The following RUNDC1 variants were observed in gnomAD, a reference collection of about 807,000 sequenced individuals.
RUNDC1 encodes the protein RUN domain containing 1, also known as RUN domain-containing protein 1.
Under a neutral mutation model 49.3 loss-of-function variants are expected in RUNDC1, and 31 were observed. The observed-to-expected ratio is 0.63, with a 90% CI of 0.47 to 0.85. The LOEUF is 0.85. RUNDC1 is among the 40% of genes least tolerant of loss of function. RUNDC1 has a pLI of 0.00. For missense variants in RUNDC1, 715 were observed against 806.7 expected, an observed-to-expected ratio of 0.89 and a Z score of 1.38; for synonymous variants, 347 against 348.6, an observed-to-expected ratio of 1.00 and a Z score of 0.05.
chr17:42,988,857 G>A (rs1030470589), intron 2 of RUNDC1, among the ~76,000 whole-genome samples: 1 of 152,076 alleles, frequency 6.6e-6, no homozygotes, highest in Non-Finnish European at 1.5e-5. Context: ...TGTGTCTATA[G>A]TCCCAGCTAT....
At position 42,990,316 on chromosome 17, in the gene RUNDC1, G is replaced by A. The variant is rs751544664; in HGVS notation, c.857-1G>A. On this transcript the variant is annotated splice_acceptor_variant, in intron 3 of 4. Coordinates refer to ENST00000361677, the MANE Select transcript of RUNDC1 (RefSeq NM_173079.5). LOFTEE classifies it high-confidence loss of function. The stretch of plus-strand genomic sequence containing the variant: ...GTCTCTTCTATAATTTCTGATTCCA[G>A]ATGAAGTGGGAAGCCCCTTGCAGAC... 1.9e-6 allele frequency: 3 copies of A among 1,613,514 alleles called. No homozygotes were observed. In the South Asian group the frequency reaches 3.3e-5, roughly 18 times the overall value.
rs1417066993 is a variant in RUNDC1 at position 42,980,763 on chromosome 17, G to A, written c.187G>A (p.Glu63Lys). The change falls in exon 1 of 5, where the codon GAG (glutamate) becomes AAG (lysine). Residue 63 changes from glutamate to lysine, a missense_variant. Physicochemically the swap from Glu to Lys is moderately conservative, Grantham distance 56 (BLOSUM62 1). Transcript: ENST00000361677. The part of the protein sequence containing the change: ...ATAFLEEATA[E>K]EPGAAPGSPP... ...CGCGTTTTTAGAAGAGGCGACGGCCGAGGAGCCTGGCGCGGCCCCGGGCTC... is the reference window on the plus strand; with the variant it reads ...CGCGTTTTTAGAAGAGGCGACGGCCAAGGAGCCTGGCGCGGCCCCGGGCTC... The A allele has an allele frequency of 2.7e-6, 4 of 1,499,534 alleles. No individual in the cohort carries two copies. In the Admixed American group the frequency reaches 6.6e-5, roughly 25 times the overall value. The allele number at this position is 1,499,534 out of a possible 1,614,324, so 92.9% of individuals were successfully genotyped here.
At chr17:42,989,638 C>G in intron 3 of RUNDC1, 99 bp downstream of exon 3, 1 of 1,137,200 alleles carries the variant, frequency 8.8e-7, no homozygotes, top group South Asian at 1.4e-5. Flanking sequence ...GTTTTTTGTT[C>G]TTTTTTGGGC....
In RUNDC1 at chr17:42,980,947, G is replaced by A. The variant is rs1441002706; in HGVS notation, c.371G>A (p.Arg124Gln). The change falls in exon 1 of 5, where the codon CGG becomes CAG. Residue 124 changes from arginine to glutamine, a missense_variant. Physicochemically the swap from Arg to Gln is conservative, Grantham distance 43 (BLOSUM62 1). Coordinates refer to ENST00000361677, the MANE Select transcript of RUNDC1 (RefSeq NM_173079.5). ...CCGGCGGAGCAGCAGCGCCTTCTGC[G>A]GGAGCTCGAAGACTTCGCCTTCCGC... is the stretch of plus-strand genomic sequence containing the variant. Reference protein sequence around the residue: ...GAPAEQQRLLRELEDFAFRGC... With the variant: ...GAPAEQQRLLQELEDFAFRGC... 1.3e-6 allele frequency: 2 copies of A among 1,540,520 alleles called. No homozygotes were observed. Among genetic ancestry groups the A allele is most frequent in the East Asian group, 2.4e-5 (1 of 41,022 alleles).
Position 42,982,529 on chromosome 17 carries a change from G to C in RUNDC1, c.498+1455G>C, listed in dbSNP as rs140792716. On this transcript the variant is annotated intron_variant, in intron 1 of 4. Transcript: ENST00000361677. The stretch of plus-strand genomic sequence containing the variant: ...CTAGAAAGGGGTGGACAGCACCAAA[G>C]GTTCTACATGATAGGAAACTCTGTT... Among the ~76,000 whole-genome samples, 94 of 152,216 alleles carry C rather than the reference G, an allele frequency of 6.2e-4. No individual in the cohort carries two copies. In the East Asian group the frequency reaches 0.015, roughly 24 times the overall value.
At position 42,987,251 on chromosome 17, in the gene RUNDC1, C is replaced by A; in HGVS notation, c.499-5C>A. On this transcript the variant is annotated splice_polypyrimidine_tract_variant and splice_region_variant and intron_variant, in intron 1 of 4. Coordinates refer to ENST00000361677, the MANE Select transcript of RUNDC1 (RefSeq NM_173079.5). ...ATAATAGACCCAATTATTTTCTTGC[C>A]TTAGAGTGAGCAGGAAAAGCAAGAG... 6.2e-7 allele frequency: 1 copy of A among 1,613,688 alleles called. No individual in the cohort carries two copies. The highest frequency in any genetic ancestry group is 8.5e-7 in the Non-Finnish European group (1 of 1,179,740).
chr17:42,980,852 G>C lies in RUNDC1; in HGVS notation c.276G>C (p.Ser92=), dbSNP rs1375159329. ...RLRAERRRLD[S]ALLALSSHFA... The stretch of plus-strand genomic sequence containing the variant: ...GGGCAGAGCGGCGGCGGCTGGACTC[G>C]GCGCTGCTGGCGCTGTCCTCGCACT... Residue 92 remains serine (S), a synonymous_variant, in exon 1 of 5, where the codon TCG becomes TCC. Transcript: ENST00000361677. 7.1e-6 allele frequency: 10 copies of C among 1,409,312 alleles called. No individual in the cohort carries two copies. The highest frequency in any genetic ancestry group is 3.3e-5 in the Admixed American group (1 of 30,498). The allele number at this position is 1,409,312 out of a possible 1,614,324, so 87.3% of individuals were successfully genotyped here. A position where few individuals can be genotyped will look rare whatever the true frequency, so the allele number is the denominator to read the frequency against.
At chr17:42,989,607 A>T (rs1281974655) in intron 3 of RUNDC1, 68 bp downstream of exon 3, 1 of 1,423,104 alleles carries the variant, frequency 7.0e-7, no homozygotes, top group Non-Finnish European at 9.9e-7. Flanking sequence ...TCTAAGTACT[A>T]GTAAAAAGGT....
In RUNDC1 at chr17:42,991,141, A is replaced by C. The variant is rs376046963; in HGVS notation, c.1267A>C (p.Thr423Pro). 1.2e-6 allele frequency: 2 copies of C among 1,614,196 alleles called. No individual in the cohort carries two copies. The change falls in exon 5 of 5, where the codon ACT becomes CCT. Residue 423 changes from threonine to proline, a missense_variant. This residue lies in a region of RUNDC1 where 425 missense variants were observed against 499.7 expected (regional missense o/e 0.85). Coordinates refer to ENST00000361677, the MANE Select transcript of RUNDC1 (RefSeq NM_173079.5). Reference sequence around the variant, plus strand: ...CTCTCTGGGAGGCAAGGATGAGCTGACTATGGCTGTGCGGAAGGAGCTAAC... The same window carrying C: ...CTCTCTGGGAGGCAAGGATGAGCTGCCTATGGCTGTGCGGAAGGAGCTAAC... ...DLSLGGKDEL[T>P]MAVRKELTVA...
chr17:42,981,473 A>C, intron 1 of RUNDC1: 1 of 187,956 alleles, frequency 5.3e-6, no homozygotes, highest in Non-Finnish European at 1.1e-5. Context: ...AAAATTGGCA[A>C]AGGAAAGGAA....
At chr17:42,988,195 A>C (rs1248641306) in intron 2 of RUNDC1, among the ~76,000 whole-genome samples, 1 of 151,550 alleles carries the variant, frequency 6.6e-6, no homozygotes, top group African/African-American at 2.4e-5. Flanking sequence ...CCTCCCCTGC[A>C]TGTTTCTCTA....
In RUNDC1 at chr17:42,991,765, G is replaced by A; in HGVS notation, c.*49G>A. The A allele has an allele frequency of 6.5e-7, 1 of 1,544,890 alleles. No homozygotes were observed. ...AGCTCCTTGTTCAGTAGGGATAGAT[G>A]TGCTAGTCTTCTAGCATAGGAGCAA... On this transcript the variant is annotated 3_prime_UTR_variant, in exon 5 of 5. Coordinates refer to ENST00000361677, the MANE Select transcript of RUNDC1 (RefSeq NM_173079.5).
At chr17:42,989,654 G>GAACAGAGAGA in intron 3 of RUNDC1, 115 bp downstream of exon 3, 5 of 942,916 alleles carry the variant, frequency 5.3e-6, no homozygotes, top group Non-Finnish European at 8.1e-6. Context: ...TGGGCGGTGG[G>GAACAGAGAGA]GACAGTGTCT....
Position 42,990,834 on chromosome 17 carries a change from C to G in RUNDC1, c.977-17C>G. 2 of 1,567,198 alleles carry G rather than the reference C, an allele frequency of 1.3e-6. No individual in the cohort carries two copies. The highest frequency in any genetic ancestry group is 1.7e-6 in the Non-Finnish European group (2 of 1,152,962). ...ATCATGGCCTCTCACTGATGAGCCA[C>G]TGTCTTTTCTAAGCAGCAAAGGCAG... On this transcript the variant is annotated splice_polypyrimidine_tract_variant and intron_variant, in intron 4 of 4. Coordinates refer to ENST00000361677, the MANE Select transcript of RUNDC1 (RefSeq NM_173079.5).
intron 3 of RUNDC1, 80 bp from the exon 4 acceptor site, chr17:42,990,237 C>G: frequency 6.5e-7 from 1 of 1,540,396 alleles, no homozygotes; most frequent in Non-Finnish European, 8.8e-7. Context: ...TTCTAATAGG[C>G]ACCATTAAGT....
At position 42,990,394 on chromosome 17, in the gene RUNDC1, A is replaced by G; in HGVS notation, c.934A>G (p.Ser312Gly). 6.2e-7 allele frequency: 1 copy of G among 1,614,070 alleles called. No individual in the cohort carries two copies. Among genetic ancestry groups the G allele is most frequent in the Non-Finnish European group, 8.5e-7 (1 of 1,180,020 alleles). Reference protein sequence around the residue: ...KAGGKTGNGCSRTGSSRTPPG... With the variant: ...KAGGKTGNGCGRTGSSRTPPG... ...CGGTGGGAAGACAGGAAATGGCTGCAGCAGAACAGGCAGCAGCAGAACGCC... is the reference window on the plus strand; with the variant it reads ...CGGTGGGAAGACAGGAAATGGCTGCGGCAGAACAGGCAGCAGCAGAACGCC... The change falls in exon 4 of 5, where the codon AGC (serine) becomes GGC (glycine). Residue 312 changes from serine (S) to glycine (G), a missense_variant. Ser to Gly is a moderately conservative substitution (Grantham distance 56). Transcript: ENST00000361677.
chr17:42,993,315 C>G lies in RUNDC1; in HGVS notation c.*1599C>G, dbSNP rs962735443. 1.3e-5 allele frequency: 2 copies of G among 152,168 alleles called. No individual in the cohort carries two copies. Among genetic ancestry groups the G allele is most frequent in the African/African-American group, 2.4e-5 (1 of 41,428 alleles). The allele number at this position is 152,168 out of a possible 1,614,324, so 9.4% of individuals were successfully genotyped here. ...TTTGGCATGCAGCTTGTGGTGAGTACTGTTCTAGGACTGGCCAAAAATGGG... is the reference window on the plus strand; with the variant it reads ...TTTGGCATGCAGCTTGTGGTGAGTAGTGTTCTAGGACTGGCCAAAAATGGG... On this transcript the variant is annotated 3_prime_UTR_variant, in exon 5 of 5. Coordinates refer to ENST00000361677, the MANE Select transcript of RUNDC1 (RefSeq NM_173079.5).
At chr17:42,990,800 C>G (rs769764538) in intron 4 of RUNDC1, 51 bp from the exon 5 acceptor site, 1 of 1,541,306 alleles carries the variant, frequency 6.5e-7, no homozygotes, top group South Asian at 1.2e-5. Flanking sequence ...TTGAGTGTAG[C>G]TCTGTGCCAT....
At chr17:42,990,193 A>C in intron 3 of RUNDC1, 124 bp from the exon 4 acceptor site, 1 of 1,311,700 alleles carries the variant, frequency 7.6e-7, no homozygotes, top group South Asian at 1.5e-5. Flanking sequence ...CATTTTACAC[A>C]ATTAAATAGG....
Sources: gnomAD v4.1 joint callset for allele counts (sites outside exome capture counted in the v4.1 genomes callset) on GRCh38, gnomAD v4.1.1 for gene constraint, gnomAD v4.1.1 regional missense constraint, MANE v1.5 for transcripts, NCBI Gene and HGNC (gene_info 2026-07-23, HGNC 2026-07-21) for gene names.